The following UBE2M variants were observed in gnomAD, a reference collection of about 807,000 sequenced individuals.
UBE2M encodes the protein ubiquitin conjugating enzyme E2 M, also known as NEDD8-conjugating enzyme Ubc12.
Under a neutral mutation model 23.5 loss-of-function variants are expected in UBE2M, and 2 were observed. The ratio of observed to expected loss-of-function variants is 0.09; its 90% CI spans 0.03 to 0.27. The LOEUF (loss-of-function observed/expected upper bound fraction) is 0.27, where lower values mean the gene tolerates loss of function less well. Among genes scored for constraint, UBE2M ranks in the 10% least tolerant of loss-of-function variants. UBE2M has a pLI of 1.00. For synonymous variants in UBE2M, 97 were observed against 95.2 expected, an observed-to-expected ratio of 1.02 and a Z score of -0.11; for missense variants, 103 against 232.9, an observed-to-expected ratio of 0.44 and a Z score of 3.63.
chr19:58,555,917 T>C lies in UBE2M; in HGVS notation c.*172A>G, dbSNP rs1244830605. 1.2e-5 allele frequency: 10 copies of C among 847,536 alleles called. No homozygotes were observed. Among genetic ancestry groups the C allele is most frequent in the Non-Finnish European group, 1.8e-5 (10 of 566,838 alleles). 52.5% of individuals were successfully genotyped at this position (847,536 alleles called of 1,614,324 possible). On this transcript the variant is annotated 3_prime_UTR_variant, in exon 6 of 6. Coordinates refer to ENST00000253023, the MANE Select transcript of UBE2M (RefSeq NM_003969.4). ...GGAGGCAGCGCCGACCTTAATCACATGGTGTTAAAAAAAAAAAAATAACTA... is the reference window on the plus strand; with the variant it reads ...GGAGGCAGCGCCGACCTTAATCACACGGTGTTAAAAAAAAAAAAATAACTA...
rs2122654736 is a variant in UBE2M, at chr19:58,555,805, A to G, written c.*284T>C. On this transcript the variant is annotated 3_prime_UTR_variant, in exon 6 of 6. Coordinates refer to ENST00000253023, the MANE Select transcript of UBE2M (RefSeq NM_003969.4). ...AGCTACCCAGGCCCGTTGCCCACCC[A>G]CTCCACAGCCCAGAGTGGGGGCTGA... is the stretch of plus-strand genomic sequence containing the variant. The G allele has an allele frequency of 2.2e-6, 1 of 451,868 alleles. No individual in the cohort carries two copies. The highest frequency in any genetic ancestry group is 2.0e-5 in the African/African-American group (1 of 51,158). 28.0% of individuals were successfully genotyped at this position (451,868 alleles called of 1,614,324 possible). A position where few individuals can be genotyped will look rare whatever the true frequency, so the allele number is the denominator to read the frequency against.
Position 58,556,740 on chromosome 19 carries a change from C to T in UBE2M, c.294G>A (p.Met98Ile). 6.4e-7 allele frequency: 1 copy of T among 1,551,606 alleles called. No homozygotes were observed. The highest frequency in any genetic ancestry group is 2.3e-5 in the East Asian group (1 of 44,404). Residue 98 changes from methionine (M) to isoleucine (I), a missense_variant, in exon 4 of 6, where the codon ATG (methionine) becomes ATA (isoleucine). Transcript: ENST00000253023. The surrounding 1 kb of genome is among the most constrained non-coding windows in gnomAD (Gnocchi z 4.9). ...CGAGGTCAATGTTGGGGTGATAGACCATTGTCTCACACTTCACCTTGGGGG... is the reference window on the plus strand; with the variant it reads ...CGAGGTCAATGTTGGGGTGATAGACTATTGTCTCACACTTCACCTTGGGGG... ...HDPPKVKCET[M>I]VYHPNIDLEG...
rs1237935349 is a variant in UBE2M, at chr19:58,558,322, G to C, written c.60C>G (p.Thr20=). The change falls in exon 1 of 6, where the codon ACC becomes ACG. Residue 20 remains threonine (T), a synonymous_variant. Transcript: ENST00000253023. The surrounding 1 kb of genome is among the most constrained non-coding windows in gnomAD (Gnocchi z 4.7). Reference sequence around the variant, plus strand: ...CCGACGCCTTCTTGCTGCTGCCCTTGGTGCCGCCCGCCGACTCCTCCTCCT... The same window carrying C: ...CCGACGCCTTCTTGCTGCTGCCCTTCGTGCCGCCCGCCGACTCCTCCTCCT... ...QKKEEESAGG[T]KGSSKKASAA... 6.3e-7 allele frequency: 1 copy of C among 1,599,968 alleles called. No individual in the cohort carries two copies. Among genetic ancestry groups the C allele is most frequent in the Admixed American group, 1.7e-5 (1 of 58,762 alleles).
chr19:58,555,985 T>C lies in UBE2M; in HGVS notation c.*104A>G. The stretch of plus-strand genomic sequence containing the variant: ...GGGGAGGCAAGGCCAAGGCAGGGGA[T>C]TCCCCCACCGGCCGCCCCCCAAACC... On this transcript the variant is annotated 3_prime_UTR_variant, in exon 6 of 6. Coordinates refer to ENST00000253023, the MANE Select transcript of UBE2M (RefSeq NM_003969.4). 2.7e-6 allele frequency: 4 copies of C among 1,464,076 alleles called. No homozygotes were observed. Among genetic ancestry groups the C allele is most frequent in the Non-Finnish European group, 2.7e-6 (3 of 1,094,840 alleles). The allele number at this position is 1,464,076 out of a possible 1,614,324, so 90.7% of individuals were successfully genotyped here.
rs2305119 is a variant in UBE2M at position 58,556,256 on chromosome 19, C to A, written c.412-27G>T. The A allele has an allele frequency of 6.2e-7, 1 of 1,613,324 alleles. No homozygotes were observed. The highest frequency in any genetic ancestry group is 8.5e-7 in the Non-Finnish European group (1 of 1,179,568). ...TGTGGCCAGTACAGGTAGGGGGGGTCAACAGGCCAGAGGGACAGAAGGCCA... is the reference window on the plus strand; with the variant it reads ...TGTGGCCAGTACAGGTAGGGGGGGTAAACAGGCCAGAGGGACAGAAGGCCA... On this transcript the variant is annotated intron_variant, in intron 5 of 5. Coordinates refer to ENST00000253023, the MANE Select transcript of UBE2M (RefSeq NM_003969.4). This position sits in a 1 kb window ranked among gnomAD's most constrained non-coding sequence, Gnocchi z 4.9.
Position 58,556,815 on chromosome 19 carries a change from G to A in UBE2M, c.244-25C>T, listed in dbSNP as rs1446456874. On this transcript the variant is annotated intron_variant, in intron 3 of 5. Transcript: ENST00000253023. The surrounding 1 kb of genome is among the most constrained non-coding windows in gnomAD (Gnocchi z 4.9). ...CCTGGCTCCAGGAAAAGAAAAGAGA[G>A]ATGGGTAGGTGCCTGGAAGGGCCTC... 3 of 1,609,322 alleles carry A rather than the reference G, an allele frequency of 1.9e-6. No homozygotes were observed. In the East Asian group the frequency reaches 6.7e-5, roughly 36 times the overall value.
In UBE2M at chr19:58,557,125, C is replaced by T; in HGVS notation, c.142G>A (p.Asp48Asn). The change falls in exon 2 of 6, where the codon GAT becomes AAT. Residue 48 changes from aspartate (D) to asparagine (N), a missense_variant. Coordinates refer to ENST00000253023, the MANE Select transcript of UBE2M (RefSeq NM_003969.4). ...TCGTCTGGATCTGAGAAGCTGATAT[C>T]ACACGTCTTGGGCAGGTTCAGCTCG... is the stretch of plus-strand genomic sequence containing the variant. The part of the protein sequence containing the change: ...INELNLPKTC[D>N]ISFSDPDDLL... 6.2e-7 allele frequency: 1 copy of T among 1,614,032 alleles called. No individual in the cohort carries two copies. The highest frequency in any genetic ancestry group is 8.5e-7 in the Non-Finnish European group (1 of 1,180,000).
chr19:58,557,037 G>A (rs2053896070), intron 2 of UBE2M, 26 bp downstream of exon 2: 4 of 1,613,930 alleles, frequency 2.5e-6, no homozygotes, highest in South Asian at 1.1e-5. Flanking sequence ...GTTTGCTCCT[G>A]GGAATTCAGC....
chr19:58,558,482 G>A lies in UBE2M; in HGVS notation c.-101C>T, dbSNP rs1568671264. The A allele has an allele frequency of 2.7e-5, 14 of 526,758 alleles. No homozygotes were observed. The highest frequency in any genetic ancestry group is 1.5e-4 in the South Asian group (2 of 13,066). The allele number at this position is 526,758 out of a possible 1,614,324, so 32.6% of individuals were successfully genotyped here. A position where few individuals can be genotyped will look rare whatever the true frequency, so the allele number is the denominator to read the frequency against. ...GTCGCCTCCGCTCCTCGGACCCGCA[G>A]CTGCGGCCTCCTCCGCTGCTGCCGC... On this transcript the variant is annotated 5_prime_UTR_variant, in exon 1 of 6. Coordinates refer to ENST00000253023, the MANE Select transcript of UBE2M (RefSeq NM_003969.4). This position sits in a 1 kb window ranked among gnomAD's most constrained non-coding sequence, Gnocchi z 4.7.
intron 1 of UBE2M, 53 bp from the exon 2 acceptor site, chr19:58,557,210 G>C (rs1004870845): frequency 1.6e-5 from 24 of 1,516,992 alleles, no homozygotes; most frequent in Middle Eastern, 2.1e-4. Flanking sequence ...GGAAGAGAGA[G>C]AGAGAGGGAG....
rs1270129865 is a variant in UBE2M at position 58,557,171 on chromosome 19, G to T, written c.110-14C>A. 6.2e-7 allele frequency: 1 copy of T among 1,612,908 alleles called. No homozygotes were observed. Among genetic ancestry groups the T allele is most frequent in the Admixed American group, 1.7e-5 (1 of 60,004 alleles). Reference sequence around the variant, plus strand: ...GCTCGTTTATGTCTGGGTTTGGGTAGCAGAGAGTCGGGAACAGAAAGAGGG... The same window carrying T: ...GCTCGTTTATGTCTGGGTTTGGGTATCAGAGAGTCGGGAACAGAAAGAGGG... On this transcript the variant is annotated splice_polypyrimidine_tract_variant and intron_variant, in intron 1 of 5. Transcript: ENST00000253023.
rs755065236 is a variant in UBE2M at position 58,556,241 on chromosome 19, A to AC, written c.412-13dup. 6.2e-7 allele frequency: 1 copy of AC among 1,613,992 alleles called. No homozygotes were observed. Among genetic ancestry groups the AC allele is most frequent in the Admixed American group, 1.7e-5 (1 of 60,020 alleles). On this transcript the variant is annotated splice_polypyrimidine_tract_variant and intron_variant, in intron 5 of 5. Coordinates refer to ENST00000253023, the MANE Select transcript of UBE2M (RefSeq NM_003969.4). The surrounding 1 kb of genome is among the most constrained non-coding windows in gnomAD (Gnocchi z 4.9). ...TCGGGGTTGGGCTCCTGTGGCCAGTACAGGTAGGGGGGGTCAACAGGCCAG... is the reference window on the plus strand; with the variant it reads ...TCGGGGTTGGGCTCCTGTGGCCAGTACCAGGTAGGGGGGGTCAACAGGCCAG...
At chr19:58,557,255 G>C (rs569396590) in intron 1 of UBE2M, 98 bp from the exon 2 acceptor site, 1 of 1,268,236 alleles carries the variant, frequency 7.9e-7, no homozygotes, top group Admixed American at 1.7e-5. Context: ...TTTGTTAGCA[G>C]AGCCCCCATC....
chr19:58,557,628 C>A (rs886950614), intron 1 of UBE2M, among the ~76,000 whole-genome samples: 1 of 151,286 alleles, frequency 6.6e-6, no homozygotes, highest in East Asian at 1.9e-4. Flanking sequence ...TTCCATGTGA[C>A]CCCCACACTC....
At position 58,556,405 on chromosome 19, in the gene UBE2M, G is replaced by A; in HGVS notation, c.348-26C>T. 1.9e-6 allele frequency: 3 copies of A among 1,612,356 alleles called. No homozygotes were observed. Among genetic ancestry groups the A allele is most frequent in the Non-Finnish European group, 1.7e-6 (2 of 1,179,294 alleles). On this transcript the variant is annotated intron_variant, in intron 4 of 5. Coordinates refer to ENST00000253023, the MANE Select transcript of UBE2M (RefSeq NM_003969.4). The surrounding 1 kb of genome is among the most constrained non-coding windows in gnomAD (Gnocchi z 4.9). Reference sequence around the variant, plus strand: ...CTGTGGACAGAGAGCATCAGGGTCAGGGCTTGGTGAGTGGGAGACTGCCAC... The same window carrying A: ...CTGTGGACAGAGAGCATCAGGGTCAAGGCTTGGTGAGTGGGAGACTGCCAC...
chr19:58,557,377 T>A (rs1055471926), intron 1 of UBE2M, among the ~76,000 whole-genome samples: 20 of 151,922 alleles, frequency 1.3e-4, no homozygotes, highest in African/African-American at 4.8e-4. Context: ...CAAACATGCA[T>A]GTTCAGCTGT....
Position 58,558,397 on chromosome 19 carries a change from G to T in UBE2M, c.-16C>A. ...GCTTGATCATCCTGCCGCCGCCGCCGCCGCTGCCGCCGCCGCGGGGCCCGG... is the reference window on the plus strand; with the variant it reads ...GCTTGATCATCCTGCCGCCGCCGCCTCCGCTGCCGCCGCCGCGGGGCCCGG... On this transcript the variant is annotated 5_prime_UTR_variant, in exon 1 of 6. Coordinates refer to ENST00000253023, the MANE Select transcript of UBE2M (RefSeq NM_003969.4). This position sits in a 1 kb window ranked among gnomAD's most constrained non-coding sequence, Gnocchi z 4.7. 1 of 1,322,036 alleles carries T rather than the reference G, an allele frequency of 7.6e-7. No homozygotes were observed. 81.9% of individuals were successfully genotyped at this position (1,322,036 alleles called of 1,614,324 possible).
In UBE2M at chr19:58,556,272, C is replaced by T; in HGVS notation, c.412-43G>A. ...AGGGGGGGTCAACAGGCCAGAGGGA[C>T]AGAAGGCCAATCTCCCCAGACCCAA... On this transcript the variant is annotated intron_variant, in intron 5 of 5. Coordinates refer to ENST00000253023, the MANE Select transcript of UBE2M (RefSeq NM_003969.4). This position sits in a 1 kb window ranked among gnomAD's most constrained non-coding sequence, Gnocchi z 4.9. 2.5e-6 allele frequency: 4 copies of T among 1,614,032 alleles called. No individual in the cohort carries two copies. Among genetic ancestry groups the T allele is most frequent in the Non-Finnish European group, 3.4e-6 (4 of 1,179,918 alleles).
At position 58,555,973 on chromosome 19, in the gene UBE2M, C is replaced by G; in HGVS notation, c.*116G>C. The G allele has an allele frequency of 2.1e-6, 3 of 1,424,694 alleles. No homozygotes were observed. The highest frequency in any genetic ancestry group is 2.8e-6 in the Non-Finnish European group (3 of 1,069,220). 88.3% of individuals were successfully genotyped at this position (1,424,694 alleles called of 1,614,324 possible). ...ACGTGGCAGGAAGGGGAGGCAAGGC[C>G]AAGGCAGGGGATTCCCCCACCGGCC... is the stretch of plus-strand genomic sequence containing the variant. On this transcript the variant is annotated 3_prime_UTR_variant, in exon 6 of 6. Coordinates refer to ENST00000253023, the MANE Select transcript of UBE2M (RefSeq NM_003969.4).
Sources: gnomAD v4.1 joint callset for allele counts (sites outside exome capture counted in the v4.1 genomes callset) on GRCh38, gnomAD v4.1.1 for gene constraint, Gnocchi (gnomAD v3.1) non-coding constraint, MANE v1.5 for transcripts, NCBI Gene and HGNC (gene_info 2026-07-23, HGNC 2026-07-21) for gene names.